Variants in POC1B observed in about 807,000 individuals in gnomAD.
POC1B encodes POC1 centriolar protein B.
Under a neutral mutation model 60.6 loss-of-function variants are expected in POC1B, and 44 were observed. The ratio of observed to expected loss-of-function variants is 0.73; its 90% CI spans 0.57 to 0.93. POC1B has a LOEUF of 0.93. POC1B is among the 40% of genes least tolerant of loss of function. POC1B has a pLI of 0.00. For synonymous variants in POC1B, 180 were observed against 198.9 expected, an observed-to-expected ratio of 0.90 and a Z score of 0.80; for missense variants, 555 against 572.3, an observed-to-expected ratio of 0.97 and a Z score of 0.31.
intron 2 of POC1B, chr12:89,520,977 G>A (rs1870801003): frequency 6.6e-6 from 1 of 151,988 alleles, no homozygotes; most frequent in African/African-American, 2.4e-5. Flanking sequence ...ATTACTTTCA[G>A]AGTCTAAAGG....
chr12:89,436,075 G>T (rs1881253237), intron 10 of POC1B, among the ~76,000 whole-genome samples: 1 of 151,864 alleles, frequency 6.6e-6, no homozygotes, highest in Non-Finnish European at 1.5e-5. Context: ...CTCCTGAGTA[G>T]CTGAGACTAC....
chr12:89,461,060 C>A, intron 9 of POC1B: 1 of 152,244 alleles, frequency 6.6e-6, no homozygotes, highest in South Asian at 2.1e-4. Flanking sequence ...CTTTGGCTTT[C>A]CCTGGGCCAC....
At chr12:89,472,141 A>G in intron 5 of POC1B, 27 bp downstream of exon 5, 1 of 1,411,220 alleles carries the variant, frequency 7.1e-7, no homozygotes, top group East Asian at 2.3e-5. Flanking sequence ...ACTAACCCAC[A>G]TAAATGCACA....
chr12:89,497,256 C>T lies in POC1B; in HGVS notation c.187G>A (p.Val63Ile). ...AYRYVGHKDV[V>I]TSVQFSPHGN... ...TGTGGAGAAAACTGCACGCTGGTTA[C>T]AACATCCTTGTGACCCACATATCTG... The change falls in exon 3 of 12, where the codon GTA (valine) becomes ATA (isoleucine). Residue 63 changes from valine to isoleucine, a missense_variant. Val to Ile is a conservative substitution (Grantham distance 29). Transcript: ENST00000313546. The T allele has an allele frequency of 1.2e-6, 2 of 1,613,626 alleles. No homozygotes were observed. Among genetic ancestry groups the T allele is most frequent in the East Asian group, 2.2e-5 (1 of 44,882 alleles).
rs587777693 is a variant in POC1B at position 89,497,241 on chromosome 12, ACTG to A, written c.199_201del (p.Gln67del). On this transcript the variant is annotated inframe_deletion, in exon 3 of 12. Coordinates refer to ENST00000313546, the MANE Select transcript of POC1B (RefSeq NM_172240.3). Reference sequence around the variant, plus strand: ...GCCAATAAGTTTCCATGTGGAGAAAACTGCACGCTGGTTACAACATCCTTGTGA... The same window carrying A: ...GCCAATAAGTTTCCATGTGGAGAAAACACGCTGGTTACAACATCCTTGTGA... The A allele has an allele frequency of 5.6e-6, 9 of 1,613,824 alleles. No homozygotes were observed. Among genetic ancestry groups the A allele is most frequent in the Non-Finnish European group, 7.6e-6 (9 of 1,180,024 alleles).
chr12:89,414,762 T>G (rs900095369), downstream of POC1B, among the ~76,000 whole-genome samples: 6 of 139,100 alleles, frequency 4.3e-5, no homozygotes, highest in African/African-American at 1.2e-4. Flanking sequence ...AGAATAACTG[T>G]TTTTTTTGTC....
At chr12:89,510,532 A>G (rs1429914370) in intron 2 of POC1B, among the ~76,000 whole-genome samples, 1 of 152,180 alleles carries the variant, frequency 6.6e-6, no homozygotes, top group Non-Finnish European at 1.5e-5. Context: ...GCTGTGCAGC[A>G]GGAAAAGTGC....
chr12:89,470,360 C>T lies in POC1B; in HGVS notation c.810+1G>A. 6.9e-7 allele frequency: 1 copy of T among 1,447,946 alleles called. No homozygotes were observed. The highest frequency in any genetic ancestry group is 1.9e-5 in the Admixed American group (1 of 51,358). The allele number at this position is 1,447,946 out of a possible 1,614,324, so 89.7% of individuals were successfully genotyped here. On this transcript the variant is annotated splice_donor_variant, in intron 7 of 11. Transcript: ENST00000313546. LOFTEE classifies it high-confidence loss of function. ...AAAAGCAAGAATCTGAGTGTTAATACCGTATGTCCTTGAAGTGTATAGATG... is the reference window on the plus strand; with the variant it reads ...AAAAGCAAGAATCTGAGTGTTAATATCGTATGTCCTTGAAGTGTATAGATG...
chr12:89,507,795 A>C (rs1869977182), intron 2 of POC1B, among the ~76,000 whole-genome samples: 1 of 152,240 alleles, frequency 6.6e-6, no homozygotes. Context: ...TGTCACCTTA[A>C]GTACCAATAA....
At chr12:89,466,049 T>G (rs886170948) in intron 9 of POC1B, among the ~76,000 whole-genome samples, 5 of 152,178 alleles carry the variant, frequency 3.3e-5, no homozygotes, top group African/African-American at 1.2e-4. Flanking sequence ...TACCTAACTC[T>G]AAAAGCAAAG....
intron 2 of POC1B, 38 bp from the exon 3 acceptor site, chr12:89,497,380 A>C (rs1399846126): frequency 6.4e-7 from 1 of 1,565,198 alleles, no homozygotes; most frequent in Admixed American, 1.7e-5. Flanking sequence ...CTGTTTGTTA[A>C]AATGCAAACA....
chr12:89,518,526 A>T (rs1870586380), intron 2 of POC1B, among the ~76,000 whole-genome samples: 1 of 152,132 alleles, frequency 6.6e-6, no homozygotes, highest in Non-Finnish European at 1.5e-5. Context: ...CTGAGATATT[A>T]TTTAAATACC....
intron 10 of POC1B, among the ~76,000 whole-genome samples, chr12:89,433,451 C>A (rs1881123971): frequency 6.6e-6 from 1 of 152,010 alleles, no homozygotes; most frequent in Non-Finnish European, 1.5e-5. Flanking sequence ...CAAATCCAGC[C>A]CCTTGGGTGT....
chr12:89,459,485 A>T (rs1437717986), intron 10 of POC1B, among the ~76,000 whole-genome samples, 153 bp downstream of exon 10: 1 of 151,854 alleles, frequency 6.6e-6, no homozygotes, highest in African/African-American at 2.4e-5. Context: ...GATGCATTGT[A>T]AATATGACTA....
At chr12:89,417,949 A>G (rs1183391582), downstream of POC1B, among the ~76,000 whole-genome samples, 3 of 152,228 alleles carry the variant, frequency 2.0e-5, no homozygotes, top group African/African-American at 7.2e-5. Flanking sequence ...TTGTTATCCT[A>G]TATTCACACA....
chr12:89,446,755 C>G (rs1881808098), intron 10 of POC1B, among the ~76,000 whole-genome samples: 1 of 151,064 alleles, frequency 6.6e-6, no homozygotes. Flanking sequence ...GACTAAAAAC[C>G]TATAGGAAAG....
At chr12:89,524,736 G>A in intron 2 of POC1B, 3 of 661,712 alleles carry the variant, frequency 4.5e-6, no homozygotes, top group Non-Finnish European at 7.9e-6. Context: ...TCGGCCTCCG[G>A]CACAGCCCAA....
At chr12:89,461,670 A>G (rs1882489542) in intron 9 of POC1B, 1 of 152,210 alleles carries the variant, frequency 6.6e-6, no homozygotes, top group African/African-American at 2.4e-5. Context: ...AAATCATTTT[A>G]TAATTATCCA....
chr12:89,516,733 T>G (rs1026082278), intron 2 of POC1B, among the ~76,000 whole-genome samples: 2 of 152,172 alleles, frequency 1.3e-5, no homozygotes, highest in African/African-American at 4.8e-5. Flanking sequence ...AATCATGGTG[T>G]TGGCCGGGCC....
Sources: allele counts gnomAD v4.1 joint callset (sites outside exome capture counted in the v4.1 genomes callset), GRCh38; gene constraint gnomAD v4.1.1; transcripts MANE v1.5; gene names NCBI Gene and HGNC (gene_info 2026-07-23, HGNC 2026-07-21).